ZNF180: variants seen among roughly 807,000 people sequenced by gnomAD.
ZNF180 encodes the protein zinc finger protein 180 (HHZ168).
In ZNF180, 11 loss-of-function variants were observed where a neutral mutation model predicts 11.8. The ratio of observed to expected loss-of-function variants is 0.93; its 90% CI spans 0.59 to 1.55. The LOEUF (loss-of-function observed/expected upper bound fraction) is 1.55. Among genes scored for constraint, ZNF180 ranks in the 40% most tolerant of loss-of-function variants. The pLI is 0.00. For synonymous variants in ZNF180, 287 were observed against 257.7 expected (o/e 1.11, Z -1.09); for missense variants, 773 against 781.7 (o/e 0.99, Z 0.13).
rs1251753394 is a variant in ZNF180, at chr19:44,477,725, T to C, written c.675A>G (p.Gly225=). Residue 225 remains glycine (G), a synonymous_variant, in exon 5 of 5, where the codon GGA becomes GGG. Transcript: ENST00000592529. ...NETLYENNEC[G]KPPQSIHLIQ... is the part of the protein sequence containing the mutation. ...TAAGGTGAATGCTCTGAGGGGGTTT[T>C]CCACATTCATTATTTTCATATAGTG... The C allele has an allele frequency of 1.2e-6, 2 of 1,614,006 alleles. No homozygotes were observed. Among genetic ancestry groups the C allele is most frequent in the Admixed American group, 1.7e-5 (1 of 60,006 alleles).
At chr19:44,499,369 G>T (rs1970675615) in intron 1 of ZNF180, among the ~76,000 whole-genome samples, 1 of 152,180 alleles carries the variant, frequency 6.6e-6, no homozygotes, top group East Asian at 1.9e-4. Flanking sequence ...CCAAGTAAAG[G>T]TCTCAGCAAC....
Position 44,477,372 on chromosome 19 carries a change from G to C in ZNF180, c.1028C>G (p.Ala343Gly). Residue 343 changes from alanine to glycine, a missense_variant, in exon 5 of 5, where the codon GCA becomes GGA. Coordinates refer to ENST00000592529, the MANE Select transcript of ZNF180 (RefSeq NM_001278509.3). The stretch of plus-strand genomic sequence containing the variant: ...CTCCCCTGTGTGAGTTCTCTGATGT[G>C]CAACAAGATGCGAGCTCCAGCTGAA... ...KSFSWSSHLV[A>G]HQRTHTGEKP... 1 of 1,613,908 alleles carries C rather than the reference G, an allele frequency of 6.2e-7. No homozygotes were observed. The highest frequency in any genetic ancestry group is 8.5e-7 in the Non-Finnish European group (1 of 1,179,956).
Position 44,480,397 on chromosome 19 carries a change from A to T in ZNF180, c.127-988T>A, listed in dbSNP as rs150746101. On this transcript the variant is annotated intron_variant, in intron 3 of 4. Transcript: ENST00000592529. Reference sequence around the variant, plus strand: ...TGGAATTACAGGGATGAGCCACCACACCTGACCCAATTGTCTTTCCCTGGC... The same window carrying T: ...TGGAATTACAGGGATGAGCCACCACTCCTGACCCAATTGTCTTTCCCTGGC... 6.4e-4 allele frequency among the ~76,000 whole-genome samples: 97 copies of T among 152,292 alleles called. 1 individual carries two copies. The highest frequency in any genetic ancestry group is 2.2e-3 in the African/African-American group (92 of 41,578).
chr19:44,500,241 C>G, intron 1 of ZNF180, 34 bp downstream of exon 1: 1 of 1,614,008 alleles, frequency 6.2e-7, no homozygotes, highest in South Asian at 1.1e-5. Flanking sequence ...ATGCGCGCAT[C>G]GGACACCAAG....
intron 2 of ZNF180, among the ~76,000 whole-genome samples, chr19:44,491,887 T>G (rs1356923947): frequency 6.6e-6 from 1 of 152,170 alleles, no homozygotes; most frequent in East Asian, 1.9e-4. Context: ...CTAAACTTTT[T>G]TTTGAAGAAA....
intron 3 of ZNF180, among the ~76,000 whole-genome samples, chr19:44,482,218 GA>G (rs1167449837): frequency 3.9e-5 from 6 of 152,268 alleles, no homozygotes; most frequent in Admixed American, 2.0e-4. Context: ...GAGGTTTGGA[GA>G]ATCACCTGAG....
chr19:44,486,378 T>C (rs1249518636), intron 2 of ZNF180, among the ~76,000 whole-genome samples: 1 of 152,168 alleles, frequency 6.6e-6, no homozygotes, highest in Non-Finnish European at 1.5e-5. Flanking sequence ...CTTATTTTAA[T>C]TAAATATTTG....
intron 2 of ZNF180, among the ~76,000 whole-genome samples, chr19:44,489,832 AAGAAGAGAAG>A (rs782510783): frequency 7.2e-6 from 1 of 138,382 alleles, no homozygotes; most frequent in African/African-American, 2.7e-5. Context: ...AAAGAAAGAA[AAGAAGAGAAG>A]AGATGAGAAG....
chr19:44,495,038 C>T lies in ZNF180; in HGVS notation c.51+2246G>A, dbSNP rs1399243029. On this transcript the variant is annotated intron_variant, in intron 2 of 4. Coordinates refer to ENST00000592529, the MANE Select transcript of ZNF180 (RefSeq NM_001278509.3). This position sits in a 1 kb window ranked among gnomAD's most constrained non-coding sequence, Gnocchi z 4.5. The stretch of plus-strand genomic sequence containing the variant: ...CTATATATTTCTAGATTAATGTGTA[C>T]TGAAAACCATGAGCCCACAATAAAA... 6.6e-6 allele frequency among the ~76,000 whole-genome samples: 1 copy of T among 152,192 alleles called. No homozygotes were observed. The highest frequency in any genetic ancestry group is 1.5e-5 in the Non-Finnish European group (1 of 68,042).
intron 2 of ZNF180, among the ~76,000 whole-genome samples, chr19:44,493,336 C>T (rs1025467607): frequency 1.3e-5 from 2 of 152,188 alleles, no homozygotes; most frequent in African/African-American, 4.8e-5. Flanking sequence ...GTGTATGAGC[C>T]ACTAAAATCT....
At chr19:44,490,452 C>G (rs959814186) in intron 2 of ZNF180, among the ~76,000 whole-genome samples, 1 of 152,116 alleles carries the variant, frequency 6.6e-6, no homozygotes, top group African/African-American at 2.4e-5. Flanking sequence ...GTTTTGACCC[C>G]AAACTGTTAA....
chr19:44,477,241 A>G lies in ZNF180; in HGVS notation c.1159T>C (p.Cys387Arg), dbSNP rs1969929615. The G allele has an allele frequency of 1.9e-6, 3 of 1,614,138 alleles. No homozygotes were observed. Among genetic ancestry groups the G allele is most frequent in the South Asian group, 1.1e-5 (1 of 91,088 alleles). The change falls in exon 5 of 5, where the codon TGT (cysteine) becomes CGT (arginine). Residue 387 changes from cysteine to arginine, a missense_variant. Physicochemically the swap from Cys to Arg is radical, Grantham distance 180. Transcript: ENST00000592529. ...TAACTCTGGCTAAAGGATTTCCCAC[A>G]TTGATTACACCTGTAAGGTTTCTCT... ...TGEKPYRCNQCGKSFSQSYVL... is the reference protein window; with the variant it reads ...TGEKPYRCNQRGKSFSQSYVL...
chr19:44,487,994 G>T (rs1009029925), intron 2 of ZNF180, among the ~76,000 whole-genome samples: 3 of 151,910 alleles, frequency 2.0e-5, no homozygotes, highest in Non-Finnish European at 2.9e-5. Flanking sequence ...CAAAGTGCTG[G>T]GATTACAGGC....
In ZNF180 at chr19:44,495,301, G is replaced by A. The variant is rs1391549195; in HGVS notation, c.51+1983C>T. On this transcript the variant is annotated intron_variant, in intron 2 of 4. Coordinates refer to ENST00000592529, the MANE Select transcript of ZNF180 (RefSeq NM_001278509.3). This position sits in a 1 kb window ranked among gnomAD's most constrained non-coding sequence, Gnocchi z 4.5. ...CCACACTCGGCCACCCTCTGCCCAG[G>A]GGAGCTCCTCACCCTGCTTAGGCTT... is the stretch of plus-strand genomic sequence containing the variant. Among the ~76,000 whole-genome samples the A allele has an allele frequency of 1.3e-5, 2 of 151,918 alleles. No individual in the cohort carries two copies. The highest frequency in any genetic ancestry group is 2.9e-5 in the Non-Finnish European group (2 of 67,974).
intron 3 of ZNF180, 117 bp downstream of exon 3, chr19:44,484,244 C>T (rs1253566019): frequency 2.2e-5 from 17 of 769,200 alleles, no homozygotes; most frequent in Non-Finnish European, 3.2e-5. Context: ...ATGATCTGCC[C>T]GCCTCAGCCT....
intron 2 of ZNF180, among the ~76,000 whole-genome samples, chr19:44,493,201 T>C (rs1304410114): frequency 1.3e-5 from 2 of 152,204 alleles, no homozygotes; most frequent in Non-Finnish European, 1.5e-5. Context: ...ACTTCGAATG[T>C]TGAGAATGAC....
At position 44,477,530 on chromosome 19, in the gene ZNF180, A is replaced by G; in HGVS notation, c.870T>C (p.Asn290=). The change falls in exon 5 of 5, where the codon AAT becomes AAC. Residue 290 remains asparagine (N), a synonymous_variant. Coordinates refer to ENST00000592529, the MANE Select transcript of ZNF180 (RefSeq NM_001278509.3). Reference sequence around the variant, plus strand: ...CTTCAAAAGGAATTCTCTGTTGTTCATTATGGGATATTTTGGGGTTCAAAA... The same window carrying G: ...CTTCAAAAGGAATTCTCTGTTGTTCGTTATGGGATATTTTGGGGTTCAAAA... ...GQVLNPKISH[N]EQQRIPFEES... 1 of 1,614,130 alleles carries G rather than the reference A, an allele frequency of 6.2e-7. No homozygotes were observed. Among genetic ancestry groups the G allele is most frequent in the Non-Finnish European group, 8.5e-7 (1 of 1,179,992 alleles).
chr19:44,494,211 G>A (rs556567652), intron 2 of ZNF180, among the ~76,000 whole-genome samples: 4 of 152,236 alleles, frequency 2.6e-5, no homozygotes, highest in South Asian at 4.2e-4. Flanking sequence ...TTTGCACAGG[G>A]CCTTACACTG....
In ZNF180 at chr19:44,484,439, A is replaced by G; in HGVS notation, c.52-4T>C. The G allele has an allele frequency of 6.2e-7, 1 of 1,611,466 alleles. No homozygotes were observed. Among genetic ancestry groups the G allele is most frequent in the East Asian group, 2.2e-5 (1 of 44,864 alleles). On this transcript the variant is annotated splice_polypyrimidine_tract_variant and splice_region_variant and intron_variant, in intron 2 of 4. Coordinates refer to ENST00000592529, the MANE Select transcript of ZNF180 (RefSeq NM_001278509.3). ...TCTCTTGAGGAAGGAAAGAATCCTG[A>G]AAAGGCAAAACAGATGAGAAAAAGG...
Sources: allele counts gnomAD v4.1 joint callset (sites outside exome capture counted in the v4.1 genomes callset), GRCh38; gene constraint gnomAD v4.1.1; non-coding constraint Gnocchi (gnomAD v3.1); transcripts MANE v1.5; gene names NCBI Gene and HGNC (gene_info 2026-07-23, HGNC 2026-07-21).